GAB1: variants seen among roughly 807,000 people sequenced by gnomAD.
The protein encoded by GAB1 is GRB2-associated-binding protein 1.
GAB1 carries 19 observed loss-of-function variants against 66.5 expected under a neutral mutation model. The observed-to-expected ratio is 0.29, with a 90% confidence interval of 0.20 to 0.42. The LOEUF (loss-of-function observed/expected upper bound fraction) is 0.42. Among genes scored for constraint, GAB1 ranks in the 10% least tolerant of loss-of-function variants. The pLI, the probability that GAB1 is intolerant of heterozygous loss-of-function variation, is 1.00. For synonymous variants in GAB1, 294 were observed against 301.4 expected (o/e 0.98, Z 0.25); for missense variants, 732 against 858.5 (o/e 0.85, Z 1.84).
intron 3 of GAB1, among the ~76,000 whole-genome samples, chr4:143,435,070 G>C (rs374204895): frequency 6.6e-6 from 1 of 151,880 alleles, no homozygotes; most frequent in Non-Finnish European, 1.5e-5. Context: ...TTATAATTAA[G>C]CATTATTTTA....
chr4:143,376,891 A>G (rs1277420198), intron 1 of GAB1: 1 of 152,142 alleles, frequency 6.6e-6, no homozygotes, highest in Admixed American at 6.6e-5. Context: ...AGAGTTTCTC[A>G]TGCATGTAAG....
chr4:143,421,765 G>A (rs1261719178), intron 2 of GAB1, among the ~76,000 whole-genome samples: 5 of 139,486 alleles, frequency 3.6e-5, no homozygotes, highest in South Asian at 2.3e-4. Context: ...AGTCTCCTGC[G>A]GTGGGGCCCT....
At chr4:143,383,872 C>T (rs940495042) in intron 1 of GAB1, among the ~76,000 whole-genome samples, 4 of 152,036 alleles carry the variant, frequency 2.6e-5, no homozygotes, top group Admixed American at 2.0e-4. Context: ...GCCAGGAGTT[C>T]GAGACCAGCT....
chr4:143,417,678 G>A (rs141674772), intron 2 of GAB1: 3,044 of 162,878 alleles, frequency 0.019, 93 homozygotes, highest in African/African-American at 0.069. Context: ...AAAGTGCTGG[G>A]ATTACAGGCA....
intron 1 of GAB1, among the ~76,000 whole-genome samples, chr4:143,373,351 C>A (rs895989786): frequency 1.3e-5 from 2 of 152,170 alleles, no homozygotes; most frequent in Non-Finnish European, 2.9e-5. Context: ...TAGCACCAGA[C>A]CTTTCCTTCA....
intron 1 of GAB1, among the ~76,000 whole-genome samples, chr4:143,346,469 T>C (rs1728995188): frequency 2.0e-5 from 3 of 152,316 alleles, no homozygotes; most frequent in African/African-American, 7.2e-5. Flanking sequence ...GAGTTGGAGT[T>C]GCCAAGACTA....
intron 1 of GAB1, among the ~76,000 whole-genome samples, chr4:143,368,057 C>T (rs962577186): frequency 6.6e-6 from 1 of 151,920 alleles, no homozygotes; most frequent in Middle Eastern, 3.2e-3. Context: ...TGGAGCAGTC[C>T]ACAGAGCACT....
At chr4:143,350,191 A>G (rs1375274440) in intron 1 of GAB1, 38 of 635,728 alleles carry the variant, frequency 6.0e-5, no homozygotes, top group Middle Eastern at 4.1e-4. Flanking sequence ...TCCTAAATGT[A>G]TCATGGGCCC....
At chr4:143,393,263 A>G (rs1731275025) in intron 1 of GAB1, among the ~76,000 whole-genome samples, 1 of 151,530 alleles carries the variant, frequency 6.6e-6, no homozygotes, top group Non-Finnish European at 1.5e-5. Context: ...AGAATATGAG[A>G]CAGAAACCAT....
At chr4:143,368,834 G>A (rs1419304550) in intron 1 of GAB1, among the ~76,000 whole-genome samples, 6 of 152,054 alleles carry the variant, frequency 3.9e-5, no homozygotes, top group Admixed American at 6.6e-5. Flanking sequence ...ATAGAGGCTG[G>A]AGCACTATGG....
intron 1 of GAB1, chr4:143,349,514 T>A: frequency 1.3e-6 from 2 of 1,536,778 alleles, no homozygotes; most frequent in East Asian, 2.3e-5. Flanking sequence ...CCAGCCATCA[T>A]GAGCAGCTTC....
intron 1 of GAB1, among the ~76,000 whole-genome samples, chr4:143,411,750 C>T (rs944181879): frequency 6.6e-6 from 1 of 152,172 alleles, no homozygotes; most frequent in Non-Finnish European, 1.5e-5. Flanking sequence ...GTTCTCTTGT[C>T]GAGCATCAAG....
intron 1 of GAB1, among the ~76,000 whole-genome samples, chr4:143,342,616 T>C (rs187052914): frequency 5.7e-4 from 81 of 142,964 alleles, no homozygotes; most frequent in African/African-American, 1.9e-3. Flanking sequence ...AATGGCATGA[T>C]CTTGGCTCAT....
intron 1 of GAB1, among the ~76,000 whole-genome samples, chr4:143,350,603 G>A (rs1293063454): frequency 2.7e-5 from 4 of 150,890 alleles, no homozygotes; most frequent in African/African-American, 7.3e-5. Flanking sequence ...GCTTGAACCC[G>A]GGAGGCGGAG....
chr4:143,433,890 C>G (rs28925899), intron 3 of GAB1, among the ~76,000 whole-genome samples, 174 bp downstream of exon 3: 2 of 152,166 alleles, frequency 1.3e-5, no homozygotes, highest in Admixed American at 1.3e-4. Context: ...TATTGATTTC[C>G]GATATTCAGG....
At chr4:143,425,605 C>T (rs1347141390) in intron 2 of GAB1, 1 of 762,326 alleles carries the variant, frequency 1.3e-6, no homozygotes, top group African/African-American at 1.7e-5. Flanking sequence ...GTGCGTGGCA[C>T]CATTTCCCGT....
chr4:143,350,257 T>C (rs1729147792), intron 1 of GAB1: 1 of 595,342 alleles, frequency 1.7e-6, no homozygotes, highest in African/African-American at 1.9e-5. Flanking sequence ...TGAACAGAAA[T>C]ACTTTTAAGA....
chr4:143,376,361 T>C (rs1003954505), intron 1 of GAB1, among the ~76,000 whole-genome samples: 2 of 152,180 alleles, frequency 1.3e-5, no homozygotes, highest in Non-Finnish European at 2.9e-5. Flanking sequence ...AAAACTAATG[T>C]GCAGCACTAC....
chr4:143,450,396 T>G (rs1216822653), intron 6 of GAB1, among the ~76,000 whole-genome samples: 1 of 152,198 alleles, frequency 6.6e-6, no homozygotes, highest in East Asian at 1.9e-4. Context: ...AATTTAGGCT[T>G]TGTAAAGCCT....
Sources: gnomAD v4.1 joint callset for allele counts (sites outside exome capture counted in the v4.1 genomes callset) on GRCh38, gnomAD v4.1.1 for gene constraint, MANE v1.5 for transcripts, NCBI Gene and HGNC (gene_info 2026-07-23, HGNC 2026-07-21) for gene names.